EEF2: variants seen among roughly 807,000 people sequenced by gnomAD.
EEF2 encodes elongation factor 2.
In EEF2, 21 loss-of-function variants were observed where a neutral mutation model predicts 85.3. The observed-to-expected ratio is 0.25, with a 90% CI of 0.17 to 0.35. The LOEUF (loss-of-function observed/expected upper bound fraction) is 0.35, where lower values mean the gene tolerates loss of function less well. Among genes scored for constraint, EEF2 ranks in the 10% least tolerant of loss-of-function variants. The pLI is 1.00. For missense variants in EEF2, 825 were observed against 1,225.3 expected, an observed-to-expected ratio of 0.67 and a Z score of 4.88; for synonymous variants, 723 against 508.8, an observed-to-expected ratio of 1.42 and a Z score of -5.67.
In EEF2 at chr19:3,979,412, G is replaced by A; in HGVS notation, c.1630C>T (p.His544Tyr). Residue 544 changes from histidine to tyrosine, a missense_variant, in exon 11 of 15, where the codon CAT (histidine) becomes TAT (tyrosine). By Grantham distance (83) the His-to-Tyr change is moderately conservative (BLOSUM62 2). Coordinates refer to ENST00000309311, the MANE Select transcript of EEF2 (RefSeq NM_001961.4). The stretch of plus-strand genomic sequence containing the variant: ...AGCTCGCCGGCGCCCGCGATGATAT[G>A]CTCTCCCGACTCCTCGATGATGCAC... The part of the protein sequence containing the change: ...VQCIIEESGE[H>Y]IIAGAGELHL... The A allele has an allele frequency of 6.2e-7, 1 of 1,613,800 alleles. No individual in the cohort carries two copies. Among genetic ancestry groups the A allele is most frequent in the Non-Finnish European group, 8.5e-7 (1 of 1,180,004 alleles).
chr19:3,980,498 T>A lies in EEF2; in HGVS notation c.1346+16A>T. On this transcript the variant is annotated intron_variant, in intron 9 of 14. Coordinates refer to ENST00000309311, the MANE Select transcript of EEF2 (RefSeq NM_001961.4). ...GCAACAGTGCCAAGGGGCCTGCACA[T>A]CACCCAGCTGCTCACCTCTGGATTG... is the stretch of plus-strand genomic sequence containing the variant. 1.2e-6 allele frequency: 2 copies of A among 1,607,210 alleles called. No individual in the cohort carries two copies. The highest frequency in any genetic ancestry group is 2.2e-5 in the South Asian group (2 of 90,700).
intron 2 of EEF2, 191 bp downstream of exon 2, chr19:3,983,945 C>T (rs1383570834): frequency 1.6e-6 from 1 of 637,448 alleles, no homozygotes; most frequent in Non-Finnish European, 2.7e-6. Context: ...AACCTTCCAG[C>T]TCGCAGTACC....
chr19:3,984,323 C>A lies in EEF2; in HGVS notation c.31G>T (p.Ala11Ser). 2 of 1,614,162 alleles carry A rather than the reference C, an allele frequency of 1.2e-6. No individual in the cohort carries two copies. The highest frequency in any genetic ancestry group is 1.7e-6 in the Non-Finnish European group (2 of 1,180,038). ...ATGTTGGCCTTCTTGTCCATGATGG[C>A]GCGGATCTGGTCTACCGTGAAGTTC... MVNFTVDQIRAIMDKKANIRN... is the reference protein window; with the variant it reads MVNFTVDQIRSIMDKKANIRN... Residue 11 changes from alanine to serine, a missense_variant, in exon 2 of 15, where the codon GCC becomes TCC. Coordinates refer to ENST00000309311, the MANE Select transcript of EEF2 (RefSeq NM_001961.4).
chr19:3,981,059 G>A, intron 7 of EEF2, 80 bp from the exon 8 acceptor site: 4 of 1,496,592 alleles, frequency 2.7e-6, no homozygotes, highest in Non-Finnish European at 2.7e-6. Context: ...CTCTCTTGAA[G>A]CCAAGGAAGC....
chr19:3,980,119 TG>T (rs2039727033), intron 9 of EEF2, 53 bp from the exon 10 acceptor site: 1 of 1,579,596 alleles, frequency 6.3e-7, no homozygotes, highest in Non-Finnish European at 8.6e-7. Context: ...TGCTGGACCC[TG>T]GAGGGCCAGG....
At chr19:3,981,712 G>C (rs1024726684) in intron 6 of EEF2, among the ~76,000 whole-genome samples, 4 of 152,260 alleles carry the variant, frequency 2.6e-5, no homozygotes, top group African/African-American at 4.8e-5. Context: ...AACCGCCAAA[G>C]CCACAAGTTA....
chr19:3,985,047 T>C (rs977491309), intron 1 of EEF2: 12 of 344,496 alleles, frequency 3.5e-5, no homozygotes, highest in Non-Finnish European at 5.2e-5. Flanking sequence ...GCGGGTTACA[T>C]AAGGCGCCTC....
Position 3,979,339 on chromosome 19 carries a change from A to G in EEF2, c.1703T>C (p.Ile568Thr). The G allele has an allele frequency of 6.2e-7, 1 of 1,613,858 alleles. No individual in the cohort carries two copies. The highest frequency in any genetic ancestry group is 1.3e-5 in the African/African-American group (1 of 75,002). Residue 568 changes from isoleucine (I) to threonine (T), a missense_variant, in exon 11 of 15, where the codon ATC (isoleucine) becomes ACC (threonine). Ile to Thr is a moderately conservative substitution (Grantham distance 89, BLOSUM62 -1). Coordinates refer to ENST00000309311, the MANE Select transcript of EEF2 (RefSeq NM_001961.4). ...LKDLEEDHACIPIKKSDPVVS... is the reference protein window; with the variant it reads ...LKDLEEDHACTPIKKSDPVVS... ...TCACTGGCGCCTCACCTTGATGGGG[A>G]TGCAGGCGTGGTCCTCCTCCAGGTC...
At chr19:3,981,575 C>G in intron 6 of EEF2, 123 bp from the exon 7 acceptor site, 1 of 903,076 alleles carries the variant, frequency 1.1e-6, no homozygotes. Flanking sequence ...CAGGAGCAGG[C>G]CTGGCCTGCC....
At chr19:3,979,041 A>G (rs1174807010) in intron 11 of EEF2, among the ~76,000 whole-genome samples, 1 of 152,018 alleles carries the variant, frequency 6.6e-6, no homozygotes, top group Non-Finnish European at 1.5e-5. Flanking sequence ...GTGAGGCAAG[A>G]GAATCGCTTG....
chr19:3,978,314 T>C, intron 11 of EEF2, 142 bp from the exon 12 acceptor site: 4 of 670,834 alleles, frequency 6.0e-6, no homozygotes, highest in Non-Finnish European at 9.4e-6. Flanking sequence ...GCGGAGTCAG[T>C]GTTGCAGTGC....
chr19:3,981,807 T>C, intron 6 of EEF2, 140 bp downstream of exon 6: 1 of 770,966 alleles, frequency 1.3e-6, no homozygotes. Context: ...TCCACCTCAG[T>C]TAGGAGCTGT....
chr19:3,982,203 C>A lies in EEF2; in HGVS notation c.791+43G>T, dbSNP rs749406445. 8 of 1,609,898 alleles carry A rather than the reference C, an allele frequency of 5.0e-6. No homozygotes were observed. The Admixed American group carries it at 1.0e-4, about 20-fold the overall frequency. On this transcript the variant is annotated intron_variant, in intron 5 of 14. Transcript: ENST00000309311. Reference sequence around the variant, plus strand: ...CACGCCCCTACGTCGCTGCCACTACCCCCAGGTGTCAGGAATCCCCCACCA... The same window carrying A: ...CACGCCCCTACGTCGCTGCCACTACACCCAGGTGTCAGGAATCCCCCACCA...
intron 11 of EEF2, 128 bp from the exon 12 acceptor site, chr19:3,978,300 C>G: frequency 1.3e-6 from 1 of 754,760 alleles, no homozygotes; most frequent in African/African-American, 1.8e-5. Flanking sequence ...TCAATCAGAA[C>G]GAAGCGGAGT....
Position 3,977,023 on chromosome 19 carries a change from G to A in EEF2, c.2383+192C>T, listed in dbSNP as rs1455586376. 2.0e-5 allele frequency among the ~76,000 whole-genome samples: 3 copies of A among 152,228 alleles called. No individual in the cohort carries two copies. The South Asian group carries it at 6.2e-4, about 31-fold the overall frequency. ...GGCCCAGAGCCCTTCTCACACTGGG[G>A]ATAGGAGAGCCCCTCCCCTGGGAAT... On this transcript the variant is annotated intron_variant, in intron 14 of 14. Coordinates refer to ENST00000309311, the MANE Select transcript of EEF2 (RefSeq NM_001961.4). The surrounding 1 kb of genome is among the most constrained non-coding windows in gnomAD (Gnocchi z 5.4).
At position 3,976,232 on chromosome 19, in the gene EEF2, T is replaced by C. The variant is rs1227411973; in HGVS notation, c.*322A>G. The C allele has an allele frequency of 2.8e-6, 1 of 354,080 alleles. No individual in the cohort carries two copies. The highest frequency in any genetic ancestry group is 3.1e-5 in the South Asian group (1 of 32,442). 21.9% of individuals were successfully genotyped at this position (354,080 alleles called of 1,614,324 possible). A position where few individuals can be genotyped will look rare whatever the true frequency, so the allele number is the denominator to read the frequency against. The stretch of plus-strand genomic sequence containing the variant: ...CCAAATAAACCTCTTAATGCGTTTG[T>C]TAAAATTAGTTTGGACATCTGAGTT... On this transcript the variant is annotated 3_prime_UTR_variant, in exon 15 of 15. Transcript: ENST00000309311.
intron 7 of EEF2, 39 bp downstream of exon 7, chr19:3,981,300 T>C: frequency 1.9e-6 from 3 of 1,586,464 alleles, no homozygotes; most frequent in Non-Finnish European, 2.6e-6. Flanking sequence ...AACAGCAGCC[T>C]GTGTTCCCTC....
At chr19:3,981,296 A>G (rs377421608) in intron 7 of EEF2, 43 bp downstream of exon 7, 44 of 1,574,406 alleles carry the variant, frequency 2.8e-5, no homozygotes, top group Admixed American at 1.2e-4. Context: ...CGGAAACAGC[A>G]GCCTGTGTTC....
chr19:3,984,809 G>A, intron 1 of EEF2: 1 of 188,430 alleles, frequency 5.3e-6, no homozygotes, highest in South Asian at 1.0e-4. Flanking sequence ...AAATAACGGG[G>A]AGCCGGAACG....
Sources: gnomAD v4.1 joint callset for allele counts (sites outside exome capture counted in the v4.1 genomes callset) on GRCh38, gnomAD v4.1.1 for gene constraint, Gnocchi (gnomAD v3.1) non-coding constraint, MANE v1.5 for transcripts, NCBI Gene and HGNC (gene_info 2026-07-23, HGNC 2026-07-21) for gene names.